Variants in AMPH observed in about 807,000 individuals in gnomAD.
AMPH encodes the protein amphiphysin (Stiff-Mann syndrome with breast cancer 128kD autoantigen).
Under a neutral mutation model 99.1 loss-of-function variants are expected in AMPH, and 49 were observed. The ratio of observed to expected loss-of-function variants is 0.49; its 90% CI spans 0.39 to 0.63. AMPH has a LOEUF of 0.63. Among genes scored for constraint, AMPH ranks in the 20% least tolerant of loss-of-function variants. The probability of loss-of-function intolerance (pLI) is 0.00; values close to 1 mark genes in which losing one functional copy is unlikely to be tolerated. For synonymous variants in AMPH, 314 were observed against 317.3 expected (o/e 0.99, Z 0.11); for missense variants, 759 against 863.4 (o/e 0.88, Z 1.52).
chr7:38,410,437 C>G (rs1478517021), intron 17 of AMPH, among the ~76,000 whole-genome samples: 3 of 152,226 alleles, frequency 2.0e-5, no homozygotes, highest in Admixed American at 6.5e-5. Flanking sequence ...GAAGGCCTGA[C>G]TGCCAACCTC....
At chr7:38,627,428 G>A (rs867600594) in intron 1 of AMPH, among the ~76,000 whole-genome samples, 7 of 150,284 alleles carry the variant, frequency 4.7e-5, no homozygotes, top group African/African-American at 1.7e-4. Context: ...GCAGGCACCT[G>A]TAGTCCCAGC....
At chr7:38,582,441 G>A (rs1792501310) in intron 1 of AMPH, among the ~76,000 whole-genome samples, 1 of 152,100 alleles carries the variant, frequency 6.6e-6, no homozygotes, top group African/African-American at 2.4e-5. Flanking sequence ...ACCCCTGAGG[G>A]GTTCCCAAGA....
At chr7:38,428,673 A>C (rs2128991789) in intron 14 of AMPH, 1 of 456,692 alleles carries the variant, frequency 2.2e-6, no homozygotes, top group East Asian at 7.0e-5. Context: ...GTAGGTCTGG[A>C]GAGATGGATT....
chr7:38,461,443 G>T (rs1787439835), intron 10 of AMPH, 32 bp from the exon 11 acceptor site: 1 of 1,613,200 alleles, frequency 6.2e-7, no homozygotes, highest in Non-Finnish European at 8.5e-7. Flanking sequence ...CATTAATCCA[G>T]CCAAAGACAA....
chr7:38,422,595 T>C (rs113059852), intron 15 of AMPH, 118 bp from the exon 16 acceptor site: 4 of 766,510 alleles, frequency 5.2e-6, no homozygotes, highest in South Asian at 3.4e-5. Flanking sequence ...TCTATCTATC[T>C]ATCTATCCAT....
At chr7:38,509,968 GA>G (rs35801570) in intron 2 of AMPH, among the ~76,000 whole-genome samples, 88,059 of 151,442 alleles carry the variant, frequency 0.58, 25,852 homozygotes, top group Middle Eastern at 0.71. Flanking sequence ...AAGGCACAGA[GA>G]TGCACTGATG....
chr7:38,396,978 C>A (rs1455061411), intron 17 of AMPH, among the ~76,000 whole-genome samples: 3 of 152,202 alleles, frequency 2.0e-5, no homozygotes, highest in African/African-American at 7.2e-5. Context: ...TGATTACAAG[C>A]TTATTCTCTC....
At chr7:38,488,379 A>G (rs193027638) in intron 5 of AMPH, among the ~76,000 whole-genome samples, 9 of 152,184 alleles carry the variant, frequency 5.9e-5, no homozygotes, top group Admixed American at 5.2e-4. Flanking sequence ...TTGCAGGGAC[A>G]TGGATGAAGC....
At position 38,580,658 on chromosome 7, in the gene AMPH, G is replaced by GGAT. The variant is rs60977723; in HGVS notation, c.70-45650_70-45648dup. On this transcript the variant is annotated intron_variant, in intron 1 of 20. Coordinates refer to ENST00000356264, the MANE Select transcript of AMPH (RefSeq NM_001635.4). ...GAGGATGAGAAGTCCAAGAGATATG[G>GGAT]GATGATGATGATGATGATGATGATG... Among the ~76,000 whole-genome samples, 1,410 of 149,488 alleles carry GGAT rather than the reference G, an allele frequency of 9.4e-3. 12 individuals carry two copies. Among genetic ancestry groups the GGAT allele is most frequent in the Non-Finnish European group, 0.012 (786 of 67,500 alleles).
At position 38,535,761 on chromosome 7, in the gene AMPH, T is replaced by C. The variant is rs568781432; in HGVS notation, c.70-750A>G. Among the ~76,000 whole-genome samples, 40 of 152,290 alleles carry C rather than the reference T, an allele frequency of 2.6e-4. No homozygotes were observed. The South Asian group carries it at 7.5e-3, about 28-fold the overall frequency. On this transcript the variant is annotated intron_variant, in intron 1 of 20. Coordinates refer to ENST00000356264, the MANE Select transcript of AMPH (RefSeq NM_001635.4). ...AACCTAGATCTCTCGCATGTGCAGT[T>C]CACACTAGGGTTTGCTCTCCTATGA...
In AMPH at chr7:38,432,182, G is replaced by A; in HGVS notation, c.1158+7C>T. On this transcript the variant is annotated splice_region_variant and intron_variant, in intron 13 of 20. Coordinates refer to ENST00000356264, the MANE Select transcript of AMPH (RefSeq NM_001635.4). ...TACATGAAAAAACAGAGTTATTAGTGGCTTACCGTCCATAGGTCCCAGGGC... is the reference window on the plus strand; with the variant it reads ...TACATGAAAAAACAGAGTTATTAGTAGCTTACCGTCCATAGGTCCCAGGGC... 1 of 1,611,184 alleles carries A rather than the reference G, an allele frequency of 6.2e-7. No individual in the cohort carries two copies. The highest frequency in any genetic ancestry group is 8.5e-7 in the Non-Finnish European group (1 of 1,177,362).
At chr7:38,424,392 C>T (rs955617962) in intron 15 of AMPH, among the ~76,000 whole-genome samples, 1 of 152,044 alleles carries the variant, frequency 6.6e-6, no homozygotes, top group Non-Finnish European at 1.5e-5. Context: ...ATTATTAATA[C>T]CTTCAGAGAT....
At chr7:38,424,309 A>G (rs1301662341) in intron 15 of AMPH, among the ~76,000 whole-genome samples, 1 of 152,260 alleles carries the variant, frequency 6.6e-6, no homozygotes, top group African/African-American at 2.4e-5. Context: ...AGTCTCAAAT[A>G]TAAAAGAGAG....
intron 11 of AMPH, among the ~76,000 whole-genome samples, chr7:38,454,588 C>T (rs965334780): frequency 2.0e-5 from 3 of 150,886 alleles, no homozygotes; most frequent in Admixed American, 6.6e-5. Context: ...CAAGTAGCTG[C>T]GGTGGGATAT....
chr7:38,550,379 C>T (rs1231317716), intron 1 of AMPH, among the ~76,000 whole-genome samples: 2 of 152,118 alleles, frequency 1.3e-5, no homozygotes, highest in Non-Finnish European at 2.9e-5. Context: ...ATGTCAAGCC[C>T]TACAGGTAAA....
At position 38,532,740 on chromosome 7, in the gene AMPH, G is replaced by GGA. The variant is rs1562811373; in HGVS notation, c.150+2190_150+2191insTC. On this transcript the variant is annotated intron_variant, in intron 2 of 20. Transcript: ENST00000356264. Reference sequence around the variant, plus strand: ...CACCTGGGGCAGTCAAGAAAGCTGGGAAAAAAAAAAAAACAATGAAAATTC... The same window carrying GGA: ...CACCTGGGGCAGTCAAGAAAGCTGGGGAAAAAAAAAAAAAACAATGAAAATTC... Among the ~76,000 whole-genome samples, 5 of 132,480 alleles carry GGA rather than the reference G, an allele frequency of 3.8e-5. No homozygotes were observed. In the East Asian group the frequency reaches 8.5e-4, roughly 22 times the overall value. 86.9% of individuals were successfully genotyped at this position (132,480 alleles called of 152,430 possible).
intron 17 of AMPH, among the ~76,000 whole-genome samples, chr7:38,403,229 C>T (rs534139279): frequency 5.9e-5 from 9 of 152,252 alleles, no homozygotes; most frequent in African/African-American, 1.7e-4. Flanking sequence ...AGGAAAGCTA[C>T]GAGAGTCTGG....
chr7:38,577,832 G>A (rs1228040460), intron 1 of AMPH, among the ~76,000 whole-genome samples: 2 of 137,288 alleles, frequency 1.5e-5, no homozygotes, highest in African/African-American at 2.6e-5. Flanking sequence ...AGGAAGGAAA[G>A]GAGGAGGGAA....
chr7:38,461,182 G>A (rs12670885), intron 11 of AMPH, 101 bp downstream of exon 11: 372,149 of 1,339,762 alleles, frequency 0.28, 55,896 homozygotes, highest in East Asian at 0.52. Flanking sequence ...TTAAAATTAT[G>A]TTGTTGGTTC....
Sources: gnomAD v4.1 joint callset for allele counts (sites outside exome capture counted in the v4.1 genomes callset) on GRCh38, gnomAD v4.1.1 for gene constraint, MANE v1.5 for transcripts, NCBI Gene and HGNC (gene_info 2026-07-23, HGNC 2026-07-21) for gene names.